KAZN: variants seen among roughly 807,000 people sequenced by gnomAD.
KAZN encodes the protein kazrin.
KAZN carries 40 observed loss-of-function variants against 87.4 expected under a neutral mutation model. The ratio of observed to expected loss-of-function variants is 0.46; its 90% CI spans 0.36 to 0.60. The LOEUF (loss-of-function observed/expected upper bound fraction) is 0.60, where lower values mean the gene tolerates loss of function less well. Among genes scored for constraint, KAZN ranks in the 20% least tolerant of loss-of-function variants. KAZN has a pLI of 0.00. For synonymous variants in KAZN, 466 were observed against 458.3 expected (o/e 1.02, Z -0.22); for missense variants, 898 against 1,073.9 (o/e 0.84, Z 2.29).
chr1:14,398,388 T>G (rs1169539593), intron 2 of KAZN, among the ~76,000 whole-genome samples: 3 of 152,216 alleles, frequency 2.0e-5, no homozygotes, highest in Non-Finnish European at 4.4e-5. Context: ...TCTGTACAAA[T>G]GAATATAACA....
chr1:14,623,389 T>C (rs1307557283), intron 1 of KAZN, among the ~76,000 whole-genome samples: 1 of 152,128 alleles, frequency 6.6e-6, no homozygotes, highest in Admixed American at 6.5e-5. Context: ...ATGCCACATG[T>C]CCTCACTTAT....
chr1:14,919,821 CCAT>C (rs1367124366), intron 1 of KAZN, among the ~76,000 whole-genome samples: 1 of 152,138 alleles, frequency 6.6e-6, no homozygotes, highest in African/African-American at 2.4e-5. Flanking sequence ...TAAAAACTTA[CCAT>C]CGTGTTACAA....
At chr1:14,373,687 C>T (rs1250860404) in intron 2 of KAZN, among the ~76,000 whole-genome samples, 2 of 152,178 alleles carry the variant, frequency 1.3e-5, no homozygotes, top group African/African-American at 4.8e-5. Context: ...TCTTCTTTTT[C>T]TAGGGAAAGG....
At chr1:15,019,596 C>T (rs969625104) in intron 2 of KAZN, among the ~76,000 whole-genome samples, 9 of 152,086 alleles carry the variant, frequency 5.9e-5, no homozygotes, top group Non-Finnish European at 1.3e-4. Flanking sequence ...GCCATGTTGG[C>T]CAGGCTGGTC....
chr1:14,264,418 G>A (rs1651316885), intron 2 of KAZN, among the ~76,000 whole-genome samples: 1 of 152,190 alleles, frequency 6.6e-6, no homozygotes, highest in South Asian at 2.1e-4. Flanking sequence ...AACAGCGTTG[G>A]AAGGTGGAAC....
intron 2 of KAZN, among the ~76,000 whole-genome samples, chr1:14,185,437 G>A (rs1646283364): frequency 6.6e-6 from 1 of 152,178 alleles, no homozygotes; most frequent in African/African-American, 2.4e-5. Context: ...ATGATAAGCT[G>A]ATTATTCAAA....
chr1:13,979,714 G>A (rs900526430), intron 1 of KAZN, among the ~76,000 whole-genome samples: 3 of 152,140 alleles, frequency 2.0e-5, no homozygotes, highest in Non-Finnish European at 4.4e-5. Flanking sequence ...GGATCACAAG[G>A]TCAGGAGATC....
chr1:14,024,435 A>G (rs1436205755), intron 1 of KAZN, among the ~76,000 whole-genome samples: 2 of 152,256 alleles, frequency 1.3e-5, no homozygotes, highest in Non-Finnish European at 2.9e-5. Flanking sequence ...TAAAACAGCC[A>G]GTTCCTTAGT....
At position 14,299,633 on chromosome 1, in the gene KAZN, C is replaced by G. The variant is rs556260616; in HGVS notation, c.249+119041C>G. Among the ~76,000 whole-genome samples the G allele has an allele frequency of 6.6e-5, 10 of 152,306 alleles. No individual in the cohort carries two copies. In the East Asian group the frequency reaches 1.9e-3, roughly 29 times the overall value. On this transcript the variant is annotated intron_variant, in intron 2 of 16. Coordinates refer to the KAZN transcript ENST00000636203. ...AGCTTGCAACAGCAGATGTCGCACC[C>G]ATAGTTCTGCTGGGCTCCACTGGGC...
intron 1 of KAZN, among the ~76,000 whole-genome samples, chr1:14,092,697 A>G (rs1390808163): frequency 6.6e-6 from 1 of 152,030 alleles, no homozygotes; most frequent in Non-Finnish European, 1.5e-5. Flanking sequence ...CAGACACTAT[A>G]ACCATCTATT....
At chr1:14,201,557 G>A (rs182419690) in intron 2 of KAZN, among the ~76,000 whole-genome samples, 31 of 152,306 alleles carry the variant, frequency 2.0e-4, no homozygotes, top group African/African-American at 6.7e-4. Flanking sequence ...GGACCTTTGT[G>A]TATGGACTCT....
chr1:14,998,506 C>T (rs559755645), intron 2 of KAZN, among the ~76,000 whole-genome samples: 2 of 152,140 alleles, frequency 1.3e-5, no homozygotes, highest in African/African-American at 4.8e-5. Flanking sequence ...CCTCATAATA[C>T]CCTATGATGG....
Position 14,599,558 on chromosome 1 carries a change from CG to C in KAZN, c.226+339del, listed in dbSNP as rs912064256. Among the ~76,000 whole-genome samples, 16 of 152,256 alleles carry C rather than the reference CG, an allele frequency of 1.1e-4. No homozygotes were observed. Among genetic ancestry groups the C allele is most frequent in the African/African-American group, 3.8e-4 (16 of 41,570 alleles). On this transcript the variant is annotated intron_variant, in intron 1 of 14. Transcript: ENST00000376030. The surrounding 1 kb of genome is among the most constrained non-coding windows in gnomAD (Gnocchi z 4.4). ...CTAGCTCCGTGCAAACTTTTCATGC[CG>C]GGGCCTTTTCCCCACCCCCCGCAGG...
chr1:15,093,243 C>A (rs1426173053), intron 8 of KAZN, among the ~76,000 whole-genome samples: 3 of 151,978 alleles, frequency 2.0e-5, no homozygotes, highest in Admixed American at 2.0e-4. Flanking sequence ...ATGCACGCAC[C>A]CCGTAAGCAA....
chr1:14,220,584 G>A (rs903851760), intron 2 of KAZN, among the ~76,000 whole-genome samples: 5 of 152,110 alleles, frequency 3.3e-5, no homozygotes, highest in African/African-American at 1.2e-4. Context: ...TCATTCCCTA[G>A]TGGATCACAC....
chr1:14,939,637 C>T (rs1196098947), intron 1 of KAZN, among the ~76,000 whole-genome samples: 1 of 151,692 alleles, frequency 6.6e-6, no homozygotes, highest in Non-Finnish European at 1.5e-5. Flanking sequence ...TGGGACGTGC[C>T]TCTTGCATAG....
chr1:14,570,107 C>T (rs1014446077), intron 2 of KAZN, among the ~76,000 whole-genome samples: 8 of 151,630 alleles, frequency 5.3e-5, no homozygotes, highest in East Asian at 2.0e-4. Flanking sequence ...AGCGAGACTC[C>T]GTCTCAAAAA....
intron 2 of KAZN, among the ~76,000 whole-genome samples, chr1:14,999,533 G>T (rs1301429394): frequency 7.4e-6 from 1 of 135,442 alleles, no homozygotes; most frequent in African/African-American, 3.2e-5. Context: ...CCTTGACCTT[G>T]GCCTTGAGTT....
chr1:14,166,781 T>G (rs1331925047), intron 1 of KAZN, among the ~76,000 whole-genome samples: 2 of 152,236 alleles, frequency 1.3e-5, no homozygotes, highest in Admixed American at 6.5e-5. Flanking sequence ...TCCTCTGGTT[T>G]TATTCACTTA....
Sources: gnomAD v4.1 joint callset for allele counts (sites outside exome capture counted in the v4.1 genomes callset) on GRCh38, gnomAD v4.1.1 for gene constraint, Gnocchi (gnomAD v3.1) non-coding constraint, MANE v1.5 for transcripts, NCBI Gene and HGNC (gene_info 2026-07-23, HGNC 2026-07-21) for gene names.